KLC4: variants seen among roughly 807,000 people sequenced by gnomAD.
KLC4 encodes the protein kinesin light chain 4.
In KLC4, 49 loss-of-function variants were observed where a neutral mutation model predicts 77.2. The observed-to-expected ratio is 0.63, with a 90% CI of 0.50 to 0.80. The LOEUF is 0.80. Among genes scored for constraint, KLC4 ranks in the 30% least tolerant of loss-of-function variants. The pLI, the probability that KLC4 is intolerant of heterozygous loss-of-function variation, is 0.00. For missense variants in KLC4, 669 were observed against 793.5 expected (o/e 0.84, Z 1.89); for synonymous variants, 274 against 314.5 (o/e 0.87, Z 1.36).
intron 8 of KLC4, 57 bp downstream of exon 8, chr6:43,070,922 G>GGT: frequency 2.5e-6 from 1 of 395,062 alleles, no homozygotes; most frequent in South Asian, 2.2e-5. Context: ...ACAGAGGTGG[G>GGT]GGGAGGGGGG....
At chr6:43,067,552 T>C (rs1055407181) in intron 6 of KLC4, among the ~76,000 whole-genome samples, 2 of 151,988 alleles carry the variant, frequency 1.3e-5, no homozygotes, top group Admixed American at 1.3e-4. Flanking sequence ...CCCAGCACTT[T>C]GGGAGGCTGA....
intron 12 of KLC4, 200 bp from the exon 13 acceptor site, chr6:43,072,624 A>G: frequency 1.7e-6 from 1 of 597,402 alleles, no homozygotes; most frequent in Non-Finnish European, 2.9e-6. Flanking sequence ...AGTATGGGCC[A>G]TGGGGATAAA....
chr6:43,065,579 AGG>A, intron 3 of KLC4, 39 bp from the exon 4 acceptor site: 1 of 1,364,392 alleles, frequency 7.3e-7, no homozygotes, highest in Admixed American at 1.7e-5. Flanking sequence ...GCTACTAGGT[AGG>A]GATATCTTGG....
chr6:43,071,548 C>T lies in KLC4; in HGVS notation c.1256-19C>T. The T allele has an allele frequency of 1.9e-6, 3 of 1,610,730 alleles. No homozygotes were observed. The highest frequency in any genetic ancestry group is 2.5e-6 in the Non-Finnish European group (3 of 1,177,860). ...CTAGCTCCCATCTCTAACCTCCCCA[C>T]CCCATGTATCACCCCTAGATGACCA... On this transcript the variant is annotated intron_variant, in intron 9 of 15. Transcript: ENST00000347162.
chr6:43,074,683 G>T lies in KLC4; in HGVS notation c.*11G>T. ...TCTTCAAGCAGCTGACATTCAACCC[G>T]GCCCCCAGGTCTGCTGGGTCCCCCC... On this transcript the variant is annotated 3_prime_UTR_variant, in exon 16 of 16. Transcript: ENST00000347162. The T allele has an allele frequency of 6.2e-7, 1 of 1,613,310 alleles. No individual in the cohort carries two copies. The highest frequency in any genetic ancestry group is 8.5e-7 in the Non-Finnish European group (1 of 1,179,226).
intron 6 of KLC4, 42 bp downstream of exon 6, chr6:43,067,125 C>A (rs1289801553): frequency 6.2e-7 from 1 of 1,604,328 alleles, no homozygotes; most frequent in Non-Finnish European, 8.5e-7. Context: ...CCCGCACCCC[C>A]CACCATTGCT....
rs766030925 is a variant in KLC4, at chr6:43,072,212, C to CT, written c.1446dup (p.Ala483CysfsTer2). 6.2e-7 allele frequency: 1 copy of CT among 1,614,178 alleles called. No homozygotes were observed. The highest frequency in any genetic ancestry group is 1.7e-5 in the Admixed American group (1 of 60,028). On this transcript the variant is annotated frameshift_variant, in exon 12 of 16. Coordinates refer to ENST00000347162, the MANE Select transcript of KLC4 (RefSeq NM_201521.3). LOFTEE classifies it high-confidence loss of function. Reference sequence around the variant, plus strand: ...TATAGGCGCCAGGGAAAGCTGGAGGCTGCTGAGACCCTGGAGGAATGTGCC... The same window carrying CT: ...TATAGGCGCCAGGGAAAGCTGGAGGCTTGCTGAGACCCTGGAGGAATGTGCC...
intron 1 of KLC4, chr6:43,060,357 G>C (rs760782744): frequency 6.3e-7 from 1 of 1,594,672 alleles, no homozygotes; most frequent in South Asian, 1.1e-5. Flanking sequence ...AGGGAGGCTG[G>C]CTTGGGGAAG....
Position 43,062,987 on chromosome 6 carries a change from G to A in KLC4, c.329G>A (p.Arg110Gln), listed in dbSNP as rs781291050. 2.5e-6 allele frequency: 4 copies of A among 1,614,160 alleles called. No individual in the cohort carries two copies. The highest frequency in any genetic ancestry group is 3.3e-5 in the Admixed American group (2 of 60,028). Residue 110 changes from arginine (R) to glutamine (Q), a missense_variant, in exon 3 of 16, where the codon CGG becomes CAG. Arg to Gln is a conservative substitution (Grantham distance 43). Transcript: ENST00000347162. ...AAACAGAAGCTGCGGGCTCAGGTGC[G>A]GCGGCTATGCCAGGAGAACCAGTGG... ...SEKQKLRAQV[R>Q]RLCQENQWLR...
At chr6:43,073,659 G>GAAAA in intron 14 of KLC4, 1 of 370,308 alleles carries the variant, frequency 2.7e-6, no homozygotes, top group South Asian at 3.7e-5. Context: ...AAAAAAAAAA[G>GAAAA]AAAAAAAAAA....
At chr6:43,062,561 G>A (rs192107964) in intron 2 of KLC4, 70 of 267,464 alleles carry the variant, frequency 2.6e-4, no homozygotes, top group African/African-American at 1.4e-3. Context: ...TACTTTGAGC[G>A]AGATGGAAAC....
Position 43,062,997 on chromosome 6 carries a change from C to T in KLC4, c.339C>T (p.Cys113=). The part of the protein sequence containing the change: ...QKLRAQVRRL[C]QENQWLRDEL... ...TGCGGGCTCAGGTGCGGCGGCTATG[C>T]CAGGAGAACCAGTGGCTGCGGGATG... Residue 113 remains cysteine, a synonymous_variant, in exon 3 of 16, where the codon TGC becomes TGT. Transcript: ENST00000347162. The T allele has an allele frequency of 1.2e-6, 2 of 1,614,126 alleles. No individual in the cohort carries two copies. The highest frequency in any genetic ancestry group is 1.7e-6 in the Non-Finnish European group (2 of 1,180,022).
In KLC4 at chr6:43,073,316, G is replaced by A. The variant is rs749518512; in HGVS notation, c.1723G>A (p.Gly575Arg). 4.3e-6 allele frequency: 7 copies of A among 1,613,636 alleles called. No homozygotes were observed. Among genetic ancestry groups the A allele is most frequent in the Non-Finnish European group, 5.9e-6 (7 of 1,179,826 alleles). Residue 575 changes from glycine to arginine, a missense_variant, in exon 14 of 16, where the codon GGG becomes AGG. Coordinates refer to ENST00000347162, the MANE Select transcript of KLC4 (RefSeq NM_201521.3). ...SSELLVRKLQGTEPRPSSSNM... is the reference protein window; with the variant it reads ...SSELLVRKLQRTEPRPSSSNM... ...TGAACTCTTGGTGAGGAAGCTCCAG[G>A]GGACTGAGCCTCGGCCCTCCAGGTA...
intron 6 of KLC4, among the ~76,000 whole-genome samples, chr6:43,069,932 A>G (rs969273137): frequency 5.3e-5 from 8 of 152,262 alleles, no homozygotes; most frequent in African/African-American, 1.7e-4. Context: ...TATCTCAGAA[A>G]TCATACTCCT....
At position 43,061,566 on chromosome 6, in the gene KLC4, C is replaced by T. The variant is rs1412382375; in HGVS notation, c.231C>T (p.Asn77=). The part of the protein sequence containing the change: ...KARQLRRSME[N]IELGLSEAQV... ...GGCAGCTTCGCCGTTCTATGGAAAA[C>T]ATTGAGCTCGGGCTGAGTGAGGCCC... Residue 77 remains asparagine (N), a synonymous_variant, in exon 2 of 16, where the codon AAC becomes AAT. Coordinates refer to ENST00000347162, the MANE Select transcript of KLC4 (RefSeq NM_201521.3). The T allele has an allele frequency of 1.2e-6, 2 of 1,612,720 alleles. No homozygotes were observed. Among genetic ancestry groups the T allele is most frequent in the South Asian group, 1.1e-5 (1 of 91,038 alleles).
chr6:43,066,936 G>A (rs1765462369), intron 5 of KLC4, 60 bp from the exon 6 acceptor site: 9 of 1,574,116 alleles, frequency 5.7e-6, no homozygotes, highest in Non-Finnish European at 7.8e-6. Flanking sequence ...CCAAAGGGAA[G>A]GAGGGAAGGA....
chr6:43,061,321 G>T lies in KLC4; in HGVS notation c.-15G>T. On this transcript the variant is annotated 5_prime_UTR_variant, in exon 2 of 16. Coordinates refer to ENST00000347162, the MANE Select transcript of KLC4 (RefSeq NM_201521.3). Reference sequence around the variant, plus strand: ...GTTGTTTCTCCCTAGACCGGGCAAGGTCCCCCAGGCCAGGATGTCAGGCCT... The same window carrying T: ...GTTGTTTCTCCCTAGACCGGGCAAGTTCCCCCAGGCCAGGATGTCAGGCCT... 6.2e-7 allele frequency: 1 copy of T among 1,612,368 alleles called. No homozygotes were observed. Among genetic ancestry groups the T allele is most frequent in the Non-Finnish European group, 8.5e-7 (1 of 1,179,402 alleles).
At chr6:43,074,019 T>C in intron 15 of KLC4, 54 bp downstream of exon 15, 1 of 1,401,526 alleles carries the variant, frequency 7.1e-7, no homozygotes. Flanking sequence ...GGACAGCCAG[T>C]GAGCAAGCCC....
At chr6:43,068,645 T>TA (rs919851193) in intron 6 of KLC4, among the ~76,000 whole-genome samples, 30 of 148,056 alleles carry the variant, frequency 2.0e-4, no homozygotes, top group Middle Eastern at 3.5e-3. Context: ...CCGTCTCTAC[T>TA]AAAAAAAAAA....
Sources: allele counts gnomAD v4.1 joint callset (sites outside exome capture counted in the v4.1 genomes callset), GRCh38; gene constraint gnomAD v4.1.1; transcripts MANE v1.5; gene names NCBI Gene and HGNC (gene_info 2026-07-23, HGNC 2026-07-21).